The following GRID2 variants were observed in gnomAD, a reference collection of about 807,000 sequenced individuals.
The protein encoded by GRID2 is glutamate receptor ionotropic, delta-2.
In GRID2, 33 loss-of-function variants were observed where a neutral mutation model predicts 114.8. That is an observed-to-expected ratio of 0.29 (90% CI 0.22 to 0.38). The LOEUF is 0.38. GRID2 is among the 10% of genes least tolerant of loss of function. The pLI, the probability that GRID2 is intolerant of heterozygous loss-of-function variation, is 1.00. For synonymous variants in GRID2, 505 were observed against 449.9 expected, an observed-to-expected ratio of 1.12 and a Z score of -1.55; for missense variants, 1,184 against 1,257.7, an observed-to-expected ratio of 0.94 and a Z score of 0.89.
chr4:92,847,328 C>T (rs1202318177), intron 2 of GRID2, among the ~76,000 whole-genome samples: 2 of 152,036 alleles, frequency 1.3e-5, no homozygotes, highest in African/African-American at 2.4e-5. Flanking sequence ...TCCCATGGCT[C>T]AGTCTTTCAC....
chr4:92,355,118 G>C (rs1027854285), intron 1 of GRID2, among the ~76,000 whole-genome samples: 1 of 151,762 alleles, frequency 6.6e-6, no homozygotes, highest in African/African-American at 2.4e-5. Flanking sequence ...GCTGTTTTTT[G>C]AAATGTATTT....
At chr4:92,372,560 C>A (rs1309157252) in intron 1 of GRID2, among the ~76,000 whole-genome samples, 1 of 152,072 alleles carries the variant, frequency 6.6e-6, no homozygotes, top group Non-Finnish European at 1.5e-5. Flanking sequence ...ATTGTTCATG[C>A]AATAGAATAT....
At chr4:92,620,333 G>A (rs1730208178) in intron 2 of GRID2, among the ~76,000 whole-genome samples, 2 of 151,748 alleles carry the variant, frequency 1.3e-5, no homozygotes, top group African/African-American at 4.8e-5. Flanking sequence ...CCAGTCAGCA[G>A]TCTTGTAATA....
chr4:92,632,177 A>T (rs1007052355), intron 2 of GRID2, among the ~76,000 whole-genome samples: 1 of 152,150 alleles, frequency 6.6e-6, no homozygotes, highest in African/African-American at 2.4e-5. Context: ...ATCTTTTAGC[A>T]TCCTTGCTAA....
chr4:92,987,555 G>A (rs1352124990), intron 2 of GRID2, among the ~76,000 whole-genome samples: 2 of 151,336 alleles, frequency 1.3e-5, no homozygotes, highest in East Asian at 1.9e-4. Context: ...TAACAAACCT[G>A]CACGTTGTGC....
chr4:92,919,976 G>T (rs1749170271), intron 2 of GRID2, among the ~76,000 whole-genome samples: 1 of 152,146 alleles, frequency 6.6e-6, no homozygotes, highest in Non-Finnish European at 1.5e-5. Context: ...ATTATTGTGT[G>T]GGAGTGTAAG....
At chr4:93,428,466 A>G (rs1769071646) in intron 10 of GRID2, among the ~76,000 whole-genome samples, 1 of 152,106 alleles carries the variant, frequency 6.6e-6, no homozygotes, top group African/African-American at 2.4e-5. Flanking sequence ...TACTAATTGA[A>G]TCATGACTCA....
chr4:93,078,066 C>T (rs192473075), intron 2 of GRID2, among the ~76,000 whole-genome samples: 41 of 152,290 alleles, frequency 2.7e-4, no homozygotes, highest in Non-Finnish European at 3.2e-4. Flanking sequence ...GCCATTCTAA[C>T]CTTGCACCAC....
At chr4:92,471,926 CTTTTTT>C (rs1186215701) in intron 1 of GRID2, among the ~76,000 whole-genome samples, 1,716 of 57,396 alleles carry the variant, frequency 0.03, 153 homozygotes, top group East Asian at 0.23. Flanking sequence ...ATCCATATTT[CTTTTTT>C]TTTTTTTTTT....
At chr4:92,761,163 C>T (rs1213751264) in intron 2 of GRID2, among the ~76,000 whole-genome samples, 1 of 151,908 alleles carries the variant, frequency 6.6e-6, no homozygotes, top group Non-Finnish European at 1.5e-5. Context: ...GTCTGCTTTG[C>T]ACTAGAACAT....
At chr4:93,210,558 T>C (rs1743339028) in intron 5 of GRID2, among the ~76,000 whole-genome samples, 1 of 151,942 alleles carries the variant, frequency 6.6e-6, no homozygotes, top group South Asian at 2.1e-4. Context: ...CTTAGGATTT[T>C]GTTTTTTGAT....
chr4:93,025,861 G>T (rs1208614151), intron 2 of GRID2, among the ~76,000 whole-genome samples: 1 of 151,478 alleles, frequency 6.6e-6, no homozygotes, highest in East Asian at 1.9e-4. Flanking sequence ...GTGTATTCCT[G>T]GGCTACCTCC....
At chr4:93,786,701 A>T (rs139393714) in intron 1 of GRID2, among the ~76,000 whole-genome samples, 126 of 152,338 alleles carry the variant, frequency 8.3e-4, no homozygotes, top group African/African-American at 2.9e-3. Flanking sequence ...AAGAATAAAG[A>T]ATAGAAAAGC....
At chr4:93,752,103 C>T (rs920216482) in intron 14 of GRID2, among the ~76,000 whole-genome samples, 2 of 152,032 alleles carry the variant, frequency 1.3e-5, no homozygotes, top group African/African-American at 4.8e-5. Context: ...CAAATGGACT[C>T]CACTGTATTA....
At chr4:92,601,646 C>T (rs188495047) in intron 2 of GRID2, among the ~76,000 whole-genome samples, 345 of 151,950 alleles carry the variant, frequency 2.3e-3, no homozygotes, top group Non-Finnish European at 4.1e-3. Flanking sequence ...AGCAAACAAA[C>T]CCCAAAGCTA....
In GRID2 at chr4:92,583,921, A is replaced by ATG. The variant is rs1307180726; in HGVS notation, c.89-6208_89-6207dup. Among the ~76,000 whole-genome samples, 414 of 119,826 alleles carry ATG rather than the reference A, an allele frequency of 3.5e-3. 1 individual carries two copies. Among genetic ancestry groups the ATG allele is most frequent in the African/African-American group, 0.011 (339 of 29,892 alleles). 78.6% of individuals were successfully genotyped at this position (119,826 alleles called of 152,430 possible). A position where few individuals can be genotyped will look rare whatever the true frequency, so the allele number is the denominator to read the frequency against. On this transcript the variant is annotated intron_variant, in intron 1 of 15. Transcript: ENST00000282020. ...TGTGTATATATTTATATACACATAT[A>ATG]TGTATATATATATATGTACAAACAT...
intron 9 of GRID2, among the ~76,000 whole-genome samples, chr4:93,397,536 C>T (rs545733335): frequency 1.6e-4 from 25 of 151,818 alleles, no homozygotes; most frequent in Non-Finnish European, 2.4e-4. Context: ...ATAGTTATTT[C>T]GCAATTACTA....
At chr4:92,679,197 C>G (rs1007207402) in intron 2 of GRID2, among the ~76,000 whole-genome samples, 1 of 151,974 alleles carries the variant, frequency 6.6e-6, no homozygotes, top group Non-Finnish European at 1.5e-5. Flanking sequence ...TGTACTGATT[C>G]AACCAGTATG....
intron 14 of GRID2, among the ~76,000 whole-genome samples, chr4:93,669,325 A>C: frequency 6.6e-6 from 1 of 152,062 alleles, no homozygotes. Context: ...ATCAACCTAC[A>C]AGAAATTTCT....
Sources: allele counts gnomAD v4.1 joint callset (sites outside exome capture counted in the v4.1 genomes callset), GRCh38; gene constraint gnomAD v4.1.1; transcripts MANE v1.5; gene names NCBI Gene and HGNC (gene_info 2026-07-23, HGNC 2026-07-21).